C1orf94: variants seen among roughly 807,000 people sequenced by gnomAD.
C1orf94 encodes uncharacterized protein C1orf94.
A neutral mutation model predicts 53.6 loss-of-function variants in C1orf94; 45 were observed. That is an observed-to-expected ratio of 0.84 (90% CI 0.66 to 1.08). The LOEUF is 1.08. C1orf94 is among the 50% of genes least tolerant of loss of function. C1orf94 has a pLI of 0.00. For missense variants in C1orf94, 762 were observed against 738.9 expected (o/e 1.03, Z -0.36); for synonymous variants, 304 against 296.1 (o/e 1.03, Z -0.27).
In C1orf94 at chr1:34,177,087, G is replaced by A. The variant is rs4653399; in HGVS notation, c.-703G>A. Among the ~76,000 whole-genome samples, 49,710 of 152,190 alleles carry A rather than the reference G, an allele frequency of 0.33. 8,776 individuals are homozygous for A. Among genetic ancestry groups the A allele is most frequent in the South Asian group, 0.47 (2,260 of 4,832 alleles). ...GGTGCCCGCCTGGCAGCGCGGCGCG[G>A]CTGGGGCAGGGGTCTGCTGGGGGCC... On this transcript the variant is annotated 5_prime_UTR_variant, in exon 1 of 7. Transcript: ENST00000488417.
At position 34,201,047 on chromosome 1, in the gene C1orf94, C is replaced by G. The variant is rs756417342; in HGVS notation, c.1270+15C>G. ...GGAGCTGAAATGTGAGCTGACCTAC[C>G]CAGGGAGGGATTGGAGGGGAGGGGG... On this transcript the variant is annotated intron_variant, in intron 3 of 6. Coordinates refer to ENST00000488417, the MANE Select transcript of C1orf94 (RefSeq NM_001134734.2). 5 of 1,569,588 alleles carry G rather than the reference C, an allele frequency of 3.2e-6. No homozygotes were observed. Among genetic ancestry groups the G allele is most frequent in the Admixed American group, 3.8e-5 (2 of 52,860 alleles).
intron 4 of C1orf94, among the ~76,000 whole-genome samples, chr1:34,206,567 A>G (rs1642797760): frequency 6.6e-6 from 1 of 152,254 alleles, no homozygotes; most frequent in African/African-American, 2.4e-5. Flanking sequence ...ACATAGAAAC[A>G]GAAACAGGCA....
At chr1:34,199,203 G>A (rs1642652351) in intron 2 of C1orf94, among the ~76,000 whole-genome samples, 1 of 152,216 alleles carries the variant, frequency 6.6e-6, no homozygotes, top group South Asian at 2.1e-4. Context: ...ACAACAGATA[G>A]GAGTGTGTCT....
intron 1 of C1orf94, among the ~76,000 whole-genome samples, chr1:34,195,495 C>T (rs1642564471): frequency 6.6e-6 from 1 of 152,116 alleles, no homozygotes; most frequent in South Asian, 2.1e-4. Context: ...GGTAGAGAGG[C>T]TCATGTTCAA....
chr1:34,171,067 C>CT (rs1363966132), intron 1 of C1orf94, among the ~76,000 whole-genome samples: 1 of 152,238 alleles, frequency 6.6e-6, no homozygotes, highest in African/African-American at 2.4e-5. Context: ...CACAGCTCCT[C>CT]TGTCTTCCCC....
chr1:34,182,693 G>A (rs187372830), intron 1 of C1orf94, among the ~76,000 whole-genome samples: 2 of 152,280 alleles, frequency 1.3e-5, no homozygotes, highest in Non-Finnish European at 2.9e-5. Flanking sequence ...CTTCACGCAC[G>A]AGTTCACTTG....
At chr1:34,198,461 T>C (rs1366198330) in intron 2 of C1orf94, among the ~76,000 whole-genome samples, 1 of 152,186 alleles carries the variant, frequency 6.6e-6, no homozygotes, top group African/African-American at 2.4e-5. Flanking sequence ...ACTTACTTTA[T>C]TGAGGAGCTC....
intron 2 of C1orf94, among the ~76,000 whole-genome samples, chr1:34,200,123 G>C (rs536657254): frequency 1.3e-5 from 2 of 152,206 alleles, no homozygotes; most frequent in East Asian, 1.9e-4. Context: ...TCAAGGCCTG[G>C]CACTGACAAG....
At position 34,200,867 on chromosome 1, in the gene C1orf94, G is replaced by A; in HGVS notation, c.1105G>A (p.Gly369Ser). The A allele has an allele frequency of 6.2e-7, 1 of 1,614,170 alleles. No homozygotes were observed. Among genetic ancestry groups the A allele is most frequent in the Non-Finnish European group, 8.5e-7 (1 of 1,180,038 alleles). The change falls in exon 3 of 7, where the codon GGT becomes AGT. Residue 369 changes from glycine to serine, a missense_variant. Coordinates refer to ENST00000488417, the MANE Select transcript of C1orf94 (RefSeq NM_001134734.2). Reference protein sequence around the residue: ...QSQKDACGEEGCCDAVGTASL... With the variant: ...QSQKDACGEESCCDAVGTASL... ...CCAGAAGGACGCCTGTGGTGAGGAG[G>A]GTTGCTGTGACGCAGTGGGCACCGC...
intron 4 of C1orf94, among the ~76,000 whole-genome samples, chr1:34,203,049 G>C (rs922530229): frequency 6.6e-6 from 1 of 152,150 alleles, no homozygotes; most frequent in African/African-American, 2.4e-5. Context: ...TTTATATTAG[G>C]GACTTGAGCA....
chr1:34,192,802 C>G (rs879539834), intron 1 of C1orf94, among the ~76,000 whole-genome samples: 9 of 152,070 alleles, frequency 5.9e-5, no homozygotes, highest in Admixed American at 5.9e-4. Flanking sequence ...TGGGGGGTTG[C>G]AGGGAGAAGC....
At chr1:34,195,370 G>A (rs1298279285) in intron 1 of C1orf94, among the ~76,000 whole-genome samples, 1 of 152,134 alleles carries the variant, frequency 6.6e-6, no homozygotes, top group African/African-American at 2.4e-5. Context: ...GAGGTTCCAG[G>A]GTCCGACATG....
At chr1:34,217,645 C>T (rs983813893) in intron 6 of C1orf94, among the ~76,000 whole-genome samples, 1 of 152,202 alleles carries the variant, frequency 6.6e-6, no homozygotes, top group African/African-American at 2.4e-5. Context: ...CAACCCAGCC[C>T]AACTTGCCCA....
intron 4 of C1orf94, 118 bp from the exon 5 acceptor site, chr1:34,208,039 G>T: frequency 1.0e-6 from 1 of 977,520 alleles, no homozygotes. Context: ...CAGCCCATGG[G>T]TCTGGTCAGC....
At chr1:34,201,929 G>T (rs1162231696) in intron 3 of C1orf94, among the ~76,000 whole-genome samples, 155 bp from the exon 4 acceptor site, 4 of 152,210 alleles carry the variant, frequency 2.6e-5, no homozygotes, top group Non-Finnish European at 5.9e-5. Flanking sequence ...TTTACCTATA[G>T]TTGGAAATGT....
chr1:34,200,058 G>A (rs921816652), intron 2 of C1orf94, among the ~76,000 whole-genome samples: 6 of 152,160 alleles, frequency 3.9e-5, no homozygotes, highest in African/African-American at 1.4e-4. Context: ...CTTGTTATGA[G>A]CTCCTGCAGG....
At position 34,202,240 on chromosome 1, in the gene C1orf94, C is replaced by T. The variant is rs755982441; in HGVS notation, c.1427C>T (p.Ser476Phe). 2.5e-6 allele frequency: 4 copies of T among 1,614,174 alleles called. No individual in the cohort carries two copies. Among genetic ancestry groups the T allele is most frequent in the Non-Finnish European group, 3.4e-6 (4 of 1,179,992 alleles). The change falls in exon 4 of 7, where the codon TCT becomes TTT. Residue 476 changes from serine to phenylalanine, a missense_variant. Ser to Phe is a radical substitution (Grantham distance 155, BLOSUM62 -2). Coordinates refer to ENST00000488417, the MANE Select transcript of C1orf94 (RefSeq NM_001134734.2). ...YPPPPVFTNH[S>F]TFLQYQGLYP... ...CCTCCACCAGTGTTCACGAATCACT[C>T]TACCTTCTTGCAGTATCAGGTCAGT...
chr1:34,203,306 T>C (rs1642743336), intron 4 of C1orf94, among the ~76,000 whole-genome samples: 1 of 152,182 alleles, frequency 6.6e-6, no homozygotes, highest in Non-Finnish European at 1.5e-5. Flanking sequence ...TTTGTATTTT[T>C]AGTAGAGACT....
chr1:34,179,528 G>A (rs186438497), intron 1 of C1orf94, among the ~76,000 whole-genome samples: 2 of 152,348 alleles, frequency 1.3e-5, no homozygotes, highest in East Asian at 3.9e-4. Flanking sequence ...TCTGCACTTG[G>A]CTGAAAATTG....
Sources: allele counts gnomAD v4.1 joint callset (sites outside exome capture counted in the v4.1 genomes callset), GRCh38; gene constraint gnomAD v4.1.1; transcripts MANE v1.5; gene names NCBI Gene and HGNC (gene_info 2026-07-23, HGNC 2026-07-21).